The following FBN2 variants were observed in gnomAD, a reference collection of about 807,000 sequenced individuals.
The protein encoded by FBN2 is fibrillin 2.
FBN2 carries 105 observed loss-of-function variants against 355.6 expected under a neutral mutation model. That is an observed-to-expected ratio of 0.30 (90% CI 0.25 to 0.35). The LOEUF is 0.35. Among genes scored for constraint, FBN2 ranks in the 10% least tolerant of loss-of-function variants. The pLI is 1.00. For synonymous variants in FBN2, 1,350 were observed against 1,301.2 expected, an observed-to-expected ratio of 1.04 and a Z score of -0.81; for missense variants, 3,280 against 3,758.7, an observed-to-expected ratio of 0.87 and a Z score of 3.33.
chr5:128,370,662 T>C (rs1453718297), intron 15 of FBN2, among the ~76,000 whole-genome samples: 1 of 152,156 alleles, frequency 6.6e-6, no homozygotes, highest in Non-Finnish European at 1.5e-5. Context: ...CTTTGGACAT[T>C]ACTGATGATC....
At chr5:128,344,595 G>A in intron 24 of FBN2, 85 bp from the exon 25 acceptor site, 2 of 1,304,066 alleles carry the variant, frequency 1.5e-6, no homozygotes, top group Non-Finnish European at 2.2e-6. Flanking sequence ...CTATCATGAT[G>A]GACAACAGTA....
intron 6 of FBN2, among the ~76,000 whole-genome samples, chr5:128,464,086 A>C (rs542640351): frequency 1.3e-5 from 2 of 152,336 alleles, no homozygotes; most frequent in African/African-American, 4.8e-5. Flanking sequence ...ATCAGTAAAT[A>C]GGTAACAATT....
intron 36 of FBN2, 124 bp downstream of exon 36, chr5:128,318,025 G>A: frequency 9.9e-7 from 1 of 1,012,104 alleles, no homozygotes; most frequent in South Asian, 1.4e-5. Flanking sequence ...ACACAATAAA[G>A]GCGACCACAT....
intron 62 of FBN2, among the ~76,000 whole-genome samples, chr5:128,268,964 A>G (rs1765189753): frequency 6.6e-6 from 1 of 152,214 alleles, no homozygotes; most frequent in African/African-American, 2.4e-5. Flanking sequence ...AAACTGGTAT[A>G]AGATAAGAAT....
Position 128,537,670 on chromosome 5 carries a change from G to T in FBN2, c.-67C>A, listed in dbSNP as rs1581380681. 4.6e-6 allele frequency: 7 copies of T among 1,506,310 alleles called. No individual in the cohort carries two copies. The East Asian group carries it at 9.3e-5, about 20-fold the overall frequency. 93.3% of individuals were successfully genotyped at this position (1,506,310 alleles called of 1,614,324 possible). A position where few individuals can be genotyped will look rare whatever the true frequency, so the allele number is the denominator to read the frequency against. ...GAGTGATCAAAGACAAAATCTGCGC[G>T]CCTCAGAAAAGAGTCAGGGTCTAAT... On this transcript the variant is annotated 5_prime_UTR_variant, in exon 1 of 65. Coordinates refer to ENST00000262464, the MANE Select transcript of FBN2 (RefSeq NM_001999.4).
rs999373045 is a variant in FBN2 at position 128,383,316 on chromosome 5, TA to T, written c.1604-4427del. ...ACAAAAAATAAACTTCATACAATAT[TA>T]AAAAAAATGAATTCAAAATGGATCA... On this transcript the variant is annotated intron_variant, in intron 11 of 64. Coordinates refer to ENST00000262464, the MANE Select transcript of FBN2 (RefSeq NM_001999.4). 4.7e-4 allele frequency among the ~76,000 whole-genome samples: 71 copies of T among 151,784 alleles called. 1 individual carries two copies. The highest frequency in any genetic ancestry group is 1.4e-3 in the African/African-American group (57 of 41,392).
intron 8 of FBN2, among the ~76,000 whole-genome samples, chr5:128,407,440 T>C (rs1456683164): frequency 2.0e-5 from 3 of 152,096 alleles, no homozygotes; most frequent in African/African-American, 7.2e-5. Flanking sequence ...GAAACTGAAG[T>C]GTAGAGAAGA....
chr5:128,531,159 G>GAT (rs767784299), intron 2 of FBN2, among the ~76,000 whole-genome samples: 56 of 151,054 alleles, frequency 3.7e-4, no homozygotes, highest in East Asian at 1.4e-3. Flanking sequence ...TATATATGGT[G>GAT]ATATATATAT....
rs540215782 is a variant in FBN2 at position 128,468,227 on chromosome 5, A to G, written c.629-3306T>C. 2.3e-4 allele frequency among the ~76,000 whole-genome samples: 35 copies of G among 152,276 alleles called. No homozygotes were observed. In the South Asian group the frequency reaches 7.3e-3, roughly 32 times the overall value. ...TTTTTTTGTCTTGCTTCTTTCACCTAGCATAATGTTCATCAAGACCATACA... is the reference window on the plus strand; with the variant it reads ...TTTTTTTGTCTTGCTTCTTTCACCTGGCATAATGTTCATCAAGACCATACA... On this transcript the variant is annotated intron_variant, in intron 5 of 64. Coordinates refer to ENST00000262464, the MANE Select transcript of FBN2 (RefSeq NM_001999.4).
At chr5:128,265,801 T>G (rs1438425295) in intron 62 of FBN2, among the ~76,000 whole-genome samples, 1 of 152,232 alleles carries the variant, frequency 6.6e-6, no homozygotes, top group Non-Finnish European at 1.5e-5. Flanking sequence ...CTTTTTTCAA[T>G]ATTAACACTT....
At position 128,537,951 on chromosome 5, in the gene FBN2, A is replaced by C. The variant is rs998110988; in HGVS notation, c.-348T>G. 16 of 352,648 alleles carry C rather than the reference A, an allele frequency of 4.5e-5. No individual in the cohort carries two copies. The South Asian group carries it at 6.6e-4, about 14-fold the overall frequency. The allele number at this position is 352,648 out of a possible 1,614,324, so 21.8% of individuals were successfully genotyped here. On this transcript the variant is annotated 5_prime_UTR_variant, in exon 1 of 65. Coordinates refer to ENST00000262464, the MANE Select transcript of FBN2 (RefSeq NM_001999.4). ...AGGAAATTACAAAAGCCCTGGCGTAAAATTTCAAAAAATGTGAACCTCAAA... is the reference window on the plus strand; with the variant it reads ...AGGAAATTACAAAAGCCCTGGCGTACAATTTCAAAAAATGTGAACCTCAAA...
chr5:128,289,208 G>T lies in FBN2; in HGVS notation c.6556C>A (p.Gln2186Lys). 1.2e-6 allele frequency: 2 copies of T among 1,613,578 alleles called. No individual in the cohort carries two copies. Among genetic ancestry groups the T allele is most frequent in the Middle Eastern group, 3.3e-4 (2 of 6,062 alleles). ...AAAGATCCGTCGGTGTTGATACATTGACCATTTGAACAAATGCCTGGGCTC... is the reference window on the plus strand; with the variant it reads ...AAAGATCCGTCGGTGTTGATACATTTACCATTTGAACAAATGCCTGGGCTC... ...LESPGICSNGQCINTDGSFRC... is the reference protein window; with the variant it reads ...LESPGICSNGKCINTDGSFRC... The change falls in exon 52 of 65, where the codon CAA (glutamine) becomes AAA (lysine). Residue 2186 changes from glutamine to lysine, a missense_variant. Around this residue, in one of 6 missense-constraint regions of FBN2, gnomAD observed 2,284 missense variants for 2,749.5 expected, o/e 0.83. Coordinates refer to ENST00000262464, the MANE Select transcript of FBN2 (RefSeq NM_001999.4).
intron 5 of FBN2, among the ~76,000 whole-genome samples, chr5:128,482,751 A>G (rs1206146743): frequency 6.6e-6 from 1 of 152,176 alleles, no homozygotes; most frequent in Non-Finnish European, 1.5e-5. Flanking sequence ...ATATGTTTAA[A>G]TGAGGCTTAA....
chr5:128,446,268 A>G, intron 7 of FBN2: 1 of 471,158 alleles, frequency 2.1e-6, no homozygotes, highest in Non-Finnish European at 3.9e-6. Flanking sequence ...CTGAGATAAC[A>G]AACTAGATGC....
intron 2 of FBN2, among the ~76,000 whole-genome samples, chr5:128,532,441 T>A (rs1756734450): frequency 6.6e-6 from 1 of 152,210 alleles, no homozygotes. Flanking sequence ...TCTCCCATGT[T>A]TAGAGACAGT....
chr5:128,494,721 T>C (rs1022351493), intron 5 of FBN2, among the ~76,000 whole-genome samples: 3 of 152,180 alleles, frequency 2.0e-5, no homozygotes, highest in African/African-American at 4.8e-5. Context: ...GGGGGCAGCA[T>C]GAAAGGCTTT....
chr5:128,520,873 C>T (rs1315860943), intron 4 of FBN2, among the ~76,000 whole-genome samples: 1 of 151,992 alleles, frequency 6.6e-6, no homozygotes, highest in Non-Finnish European at 1.5e-5. Flanking sequence ...TCCCACTCAT[C>T]ATTGCCTTGA....
chr5:128,368,046 C>T (rs181369998), intron 16 of FBN2, among the ~76,000 whole-genome samples: 4 of 152,092 alleles, frequency 2.6e-5, no homozygotes, highest in African/African-American at 9.6e-5. Context: ...CAAGACCAAA[C>T]TAAACGTGCC....
At chr5:128,525,056 C>T (rs6595835) in intron 4 of FBN2, among the ~76,000 whole-genome samples, 59,291 of 151,976 alleles carry the variant, frequency 0.39, 13,955 homozygotes, top group African/African-American at 0.67. Flanking sequence ...CCCACTAGAG[C>T]GTGTTCTGTA....
Sources: allele counts gnomAD v4.1 joint callset (sites outside exome capture counted in the v4.1 genomes callset), GRCh38; gene constraint gnomAD v4.1.1; regional missense constraint gnomAD v4.1.1; transcripts MANE v1.5; gene names NCBI Gene and HGNC (gene_info 2026-07-23, HGNC 2026-07-21).